Variants in PSMC4 observed in about 807,000 individuals in gnomAD.
The protein encoded by PSMC4 is 26S proteasome regulatory subunit 6B.
PSMC4 carries 13 observed loss-of-function variants against 48.4 expected under a neutral mutation model. That is an observed-to-expected ratio of 0.27 (90% CI 0.18 to 0.43). PSMC4 has a LOEUF of 0.43. Among genes scored for constraint, PSMC4 ranks in the 20% least tolerant of loss-of-function variants. PSMC4 has a pLI of 1.00. For synonymous variants in PSMC4, 202 were observed against 212.3 expected, an observed-to-expected ratio of 0.95 and a Z score of 0.42; for missense variants, 262 against 555.9, an observed-to-expected ratio of 0.47 and a Z score of 5.32.
At chr19:39,972,301 C>G in intron 2 of PSMC4, 57 bp downstream of exon 2, 1 of 1,609,648 alleles carries the variant, frequency 6.2e-7, no homozygotes, top group South Asian at 1.1e-5. Context: ...ATACTCTTCC[C>G]CACTTTCCAC....
At chr19:39,973,614 C>T (rs1234581979) in intron 3 of PSMC4, among the ~76,000 whole-genome samples, 1 of 149,780 alleles carries the variant, frequency 6.7e-6, no homozygotes, top group Non-Finnish European at 1.5e-5. Context: ...ATACTGGGCC[C>T]TGATAGGGAC....
chr19:39,974,454 C>T lies in PSMC4; in HGVS notation c.469+14C>T, dbSNP rs1300228848. On this transcript the variant is annotated intron_variant, in intron 4 of 10. Transcript: ENST00000157812. This position sits in a 1 kb window ranked among gnomAD's most constrained non-coding sequence, Gnocchi z 5.5. ...TGCTCACCTCAGGTAAAGGGGGAGC[C>T]TGCAGCTGGGAGGGCCCCATGGGGA... 6.2e-6 allele frequency: 10 copies of T among 1,613,770 alleles called. No homozygotes were observed. The highest frequency in any genetic ancestry group is 4.2e-6 in the Non-Finnish European group (5 of 1,179,774).
At position 39,972,537 on chromosome 19, in the gene PSMC4, A is replaced by G; in HGVS notation, c.304A>G (p.Ile102Val). Residue 102 changes from isoleucine (I) to valine (V), a missense_variant, in exon 3 of 11, where the codon ATC becomes GTC. Physicochemically the swap from Ile to Val is conservative, Grantham distance 29 (BLOSUM62 3). Coordinates refer to ENST00000157812, the MANE Select transcript of PSMC4 (RefSeq NM_006503.4). ...FLEAVDQNTA[I>V]VGSTTGSNYY... is the part of the protein sequence containing the mutation. ...GGAGGCTGTGGATCAGAATACAGCC[A>G]TCGTGGGCTCTACCACAGGTGTGCT... 6.2e-7 allele frequency: 1 copy of G among 1,613,150 alleles called. No individual in the cohort carries two copies. The highest frequency in any genetic ancestry group is 8.5e-7 in the Non-Finnish European group (1 of 1,179,276).
At position 39,981,650 on chromosome 19, in the gene PSMC4, T is replaced by C. The variant is rs1453625359; in HGVS notation, c.*345T>C. On this transcript the variant is annotated 3_prime_UTR_variant, in exon 11 of 11. Coordinates refer to ENST00000157812, the MANE Select transcript of PSMC4 (RefSeq NM_006503.4). ...TGAGATGGAGTCCTTAATCACGGGA[T>C]AAAGCCCTGTGCATCTCCCTCATTT... Among the ~76,000 whole-genome samples the C allele has an allele frequency of 6.6e-6, 1 of 152,078 alleles. No homozygotes were observed. Among genetic ancestry groups the C allele is most frequent in the Non-Finnish European group, 1.5e-5 (1 of 68,022 alleles).
chr19:39,977,504 AGTTTT>A (rs1321359398), intron 6 of PSMC4, among the ~76,000 whole-genome samples: 1 of 151,882 alleles, frequency 6.6e-6, no homozygotes. Context: ...ACTGGGGTTG[AGTTTT>A]GTTTTGTTTT....
Position 39,980,095 on chromosome 19 carries a change from G to C in PSMC4, c.867G>C (p.Leu289=). The C allele has an allele frequency of 6.2e-7, 1 of 1,614,174 alleles. No homozygotes were observed. Among genetic ancestry groups the C allele is most frequent in the Non-Finnish European group, 8.5e-7 (1 of 1,180,032 alleles). The change falls in exon 8 of 11, where the codon CTG becomes CTC. Residue 289 remains leucine (L), a synonymous_variant. Transcript: ENST00000157812. The surrounding 1 kb of genome is among the most constrained non-coding windows in gnomAD (Gnocchi z 4.8). ...TGADREVQRI[L]LELLNQMDGF... is the part of the protein sequence containing the mutation. ...CCGACAGGGAGGTTCAGAGGATCCT[G>C]CTGGAGCTGCTGAATCAGATGGATG...
intron 6 of PSMC4, among the ~76,000 whole-genome samples, chr19:39,975,528 C>T (rs545540596): frequency 9.2e-4 from 140 of 152,062 alleles, no homozygotes; most frequent in Middle Eastern, 3.4e-3. Flanking sequence ...CACATGTGAG[C>T]CAGGGAGCAG....
chr19:39,979,709 G>T, intron 6 of PSMC4, 108 bp from the exon 7 acceptor site: 1 of 1,149,062 alleles, frequency 8.7e-7, no homozygotes, highest in South Asian at 2.3e-5. Flanking sequence ...TACTAGGTAT[G>T]GGTATCCAAG....
chr19:39,976,199 T>C (rs1971194583), intron 6 of PSMC4, among the ~76,000 whole-genome samples: 1 of 148,738 alleles, frequency 6.7e-6, no homozygotes, highest in Admixed American at 6.8e-5. Flanking sequence ...ATCACGCCAC[T>C]GTACTCCAGC....
intron 6 of PSMC4, chr19:39,979,514 T>C (rs973181941): frequency 1.8e-5 from 4 of 217,112 alleles, no homozygotes; most frequent in Non-Finnish European, 3.6e-5. Flanking sequence ...TGAGCCGAGA[T>C]TGTGCTACTG....
At chr19:39,975,265 A>AAT (rs1164311531) in intron 6 of PSMC4, among the ~76,000 whole-genome samples, 21 of 151,468 alleles carry the variant, frequency 1.4e-4, no homozygotes, top group African/African-American at 2.2e-4. Flanking sequence ...GTTCTTCAAA[A>AAT]ATATATATAT....
At chr19:39,977,560 G>A (rs1036503532) in intron 6 of PSMC4, among the ~76,000 whole-genome samples, 1 of 152,042 alleles carries the variant, frequency 6.6e-6, no homozygotes, top group Non-Finnish European at 1.5e-5. Flanking sequence ...GGTGGCTCAC[G>A]GCTATAATCT....
intron 3 of PSMC4, 152 bp downstream of exon 3, chr19:39,972,707 A>G (rs1378220066): frequency 4.6e-6 from 2 of 430,282 alleles, no homozygotes; most frequent in Non-Finnish European, 8.0e-6. Context: ...ACATATATAT[A>G]TATATACACA....
At chr19:39,972,069 A>C (rs1263347448) in intron 1 of PSMC4, 77 bp from the exon 2 acceptor site, 6 of 1,356,588 alleles carry the variant, frequency 4.4e-6, no homozygotes. Flanking sequence ...TGGGGAGGGG[A>C]ACAAACATTA....
intron 3 of PSMC4, among the ~76,000 whole-genome samples, chr19:39,972,969 C>T (rs2144611574): frequency 6.6e-6 from 1 of 152,072 alleles, no homozygotes; most frequent in East Asian, 1.9e-4. Context: ...TGGTCTTGAA[C>T]TCCTGACCTC....
chr19:39,974,831 G>A lies in PSMC4; in HGVS notation c.673+3G>A. The A allele has an allele frequency of 6.2e-7, 1 of 1,612,622 alleles. No homozygotes were observed. Among genetic ancestry groups the A allele is most frequent in the Non-Finnish European group, 8.5e-7 (1 of 1,178,872 alleles). ...GGCGGTGGCACATCACACAACAGGTGAGCCCTTTCGCCCCTGCCCCGAGCT... is the reference window on the plus strand; with the variant it reads ...GGCGGTGGCACATCACACAACAGGTAAGCCCTTTCGCCCCTGCCCCGAGCT... On this transcript the variant is annotated splice_donor_region_variant and intron_variant, in intron 6 of 10. Transcript: ENST00000157812. This position sits in a 1 kb window ranked among gnomAD's most constrained non-coding sequence, Gnocchi z 5.5.
At chr19:39,971,804 G>A (rs1971106282) in intron 1 of PSMC4, among the ~76,000 whole-genome samples, 1 of 152,294 alleles carries the variant, frequency 6.6e-6, no homozygotes, top group East Asian at 1.9e-4. Flanking sequence ...GGAGAGCCAT[G>A]TGACATTAGG....
In PSMC4 at chr19:39,981,379, C is replaced by T; in HGVS notation, c.*74C>T. On this transcript the variant is annotated 3_prime_UTR_variant, in exon 11 of 11. Coordinates refer to ENST00000157812, the MANE Select transcript of PSMC4 (RefSeq NM_006503.4). ...CACCCCCAGCACCTCTGTCCCAAAA[C>T]CTCATTCCCTTTTTTCTTTACCCAG... The T allele has an allele frequency of 9.6e-7, 1 of 1,040,542 alleles. No homozygotes were observed. Among genetic ancestry groups the T allele is most frequent in the East Asian group, 2.4e-5 (1 of 41,864 alleles). The allele number at this position is 1,040,542 out of a possible 1,614,324, so 64.5% of individuals were successfully genotyped here.
intron 6 of PSMC4, among the ~76,000 whole-genome samples, chr19:39,976,247 AT>A (rs377633922): frequency 0.72 from 77,326 of 106,996 alleles, 29,999 homozygotes; most frequent in Non-Finnish European, 0.84. Context: ...CAAAAAAAAT[AT>A]ATATATATAT....
Sources: gnomAD v4.1 joint callset for allele counts (sites outside exome capture counted in the v4.1 genomes callset) on GRCh38, gnomAD v4.1.1 for gene constraint, Gnocchi (gnomAD v3.1) non-coding constraint, MANE v1.5 for transcripts, NCBI Gene and HGNC (gene_info 2026-07-23, HGNC 2026-07-21) for gene names.